Variants in STRBP observed in about 807,000 individuals in gnomAD.
STRBP encodes the protein spermatid perinuclear RNA-binding protein.
In STRBP, 13 loss-of-function variants were observed where a neutral mutation model predicts 80.1. The ratio of observed to expected loss-of-function variants is 0.16; its 90% CI spans 0.11 to 0.26. The LOEUF is 0.26. Among genes scored for constraint, STRBP ranks in the 10% least tolerant of loss-of-function variants. The pLI, the probability that STRBP is intolerant of heterozygous loss-of-function variation, is 1.00. For synonymous variants in STRBP, 284 were observed against 291.2 expected, an observed-to-expected ratio of 0.98 and a Z score of 0.25; for missense variants, 485 against 815.2, an observed-to-expected ratio of 0.59 and a Z score of 4.93.
chr9:123,243,619 TAAAAC>T (rs2040742537), intron 1 of STRBP, among the ~76,000 whole-genome samples: 1 of 149,392 alleles, frequency 6.7e-6, no homozygotes, highest in Non-Finnish European at 1.5e-5. Flanking sequence ...ACTCAACAGT[TAAAAC>T]AAATAAAAAT....
chr9:123,196,284 T>C (rs1395212547), intron 2 of STRBP, among the ~76,000 whole-genome samples: 1 of 152,044 alleles, frequency 6.6e-6, no homozygotes, highest in Non-Finnish European at 1.5e-5. Context: ...AAAGAAAACA[T>C]TGAGAAACTA....
downstream of STRBP, among the ~76,000 whole-genome samples, chr9:123,118,554 C>T (rs1330326738): frequency 6.6e-6 from 1 of 152,180 alleles, no homozygotes; most frequent in Non-Finnish European, 1.5e-5. Context: ...GCAAAAAAGT[C>T]CTCCCTCAAT....
At chr9:123,242,330 C>T (rs1455394154) in intron 1 of STRBP, among the ~76,000 whole-genome samples, 1 of 152,106 alleles carries the variant, frequency 6.6e-6, no homozygotes, top group Non-Finnish European at 1.5e-5. Flanking sequence ...TGGCCCATAA[C>T]AGAAGTTCAT....
chr9:123,225,519 G>T (rs2040207794), intron 2 of STRBP, among the ~76,000 whole-genome samples: 1 of 152,138 alleles, frequency 6.6e-6, no homozygotes, highest in Non-Finnish European at 1.5e-5. Flanking sequence ...ACCTTATGAG[G>T]CAGCGCCTAC....
chr9:123,230,403 G>A (rs1224191757), intron 2 of STRBP, among the ~76,000 whole-genome samples: 1 of 152,108 alleles, frequency 6.6e-6, no homozygotes, highest in Non-Finnish European at 1.5e-5. Flanking sequence ...CAAGTCCCAT[G>A]CATTTTTGTC....
In STRBP at chr9:123,159,135, G is replaced by A; in HGVS notation, c.796C>T (p.Arg266Ter). The A allele has an allele frequency of 6.2e-7, 1 of 1,613,466 alleles. No homozygotes were observed. Among genetic ancestry groups the A allele is most frequent in the Non-Finnish European group, 8.5e-7 (1 of 1,179,574 alleles). The change falls in exon 9 of 19, where the codon CGA becomes TGA. Residue 266 changes from arginine to a stop codon, truncating the protein, a stop_gained. Coordinates refer to ENST00000348403, the MANE Select transcript of STRBP (RefSeq NM_018387.5). LOFTEE classifies it high-confidence loss of function. ...RPLGAGEALR[R>*]VMECLASGIL... The stretch of plus-strand genomic sequence containing the variant: ...CCAGATGCCAAACACTCCATTACTC[G>A]TCTCAAGGCCTCCCCAGCGCCCAAA...
intron 6 of STRBP, among the ~76,000 whole-genome samples, chr9:123,165,749 AG>A (rs1268489790): frequency 2.0e-5 from 3 of 152,222 alleles, no homozygotes; most frequent in Non-Finnish European, 4.4e-5. Context: ...AATAATGGGA[AG>A]TGGCCTGCAT....
At chr9:123,209,787 T>A (rs1434347045) in intron 2 of STRBP, among the ~76,000 whole-genome samples, 2 of 152,180 alleles carry the variant, frequency 1.3e-5, no homozygotes, top group Non-Finnish European at 2.9e-5. Context: ...AAAAATAATT[T>A]TCAAAATAAA....
chr9:123,253,412 G>C (rs2132635188), intron 1 of STRBP, among the ~76,000 whole-genome samples: 2 of 152,288 alleles, frequency 1.3e-5, no homozygotes, highest in South Asian at 4.2e-4. Context: ...CTTACACACT[G>C]TACTGCTAAG....
intron 2 of STRBP, among the ~76,000 whole-genome samples, chr9:123,207,053 T>C (rs1209000481): frequency 6.6e-6 from 1 of 152,202 alleles, no homozygotes; most frequent in Non-Finnish European, 1.5e-5. Flanking sequence ...AAGTCCATTA[T>C]GTCTAATTGC....
chr9:123,256,018 CTTTTTTTTTTTTTTT>C (rs11338372), intron 1 of STRBP, among the ~76,000 whole-genome samples: 856 of 71,520 alleles, frequency 0.012, 14 homozygotes, highest in Non-Finnish European at 0.015. Flanking sequence ...TCCTTTCTTT[CTTTTTTTTTTTTTTT>C]TTTTTTTTTT....
At position 123,123,292 on chromosome 9, in the gene STRBP, T is replaced by C. The variant is rs2035789785; in HGVS notation, c.*2305A>G. The C allele has an allele frequency of 1.0e-6, 1 of 985,412 alleles. No individual in the cohort carries two copies. The highest frequency in any genetic ancestry group is 1.2e-6 in the Non-Finnish European group (1 of 829,928). 61.0% of individuals were successfully genotyped at this position (985,412 alleles called of 1,614,324 possible). A position where few individuals can be genotyped will look rare whatever the true frequency, so the allele number is the denominator to read the frequency against. On this transcript the variant is annotated 3_prime_UTR_variant, in exon 19 of 19. Coordinates refer to ENST00000348403, the MANE Select transcript of STRBP (RefSeq NM_018387.5). ...TTGGTGAAGCCAAGAGCTTCATTTA[T>C]ATTTCTCTGCTCTTTCAGCTGTAAG...
chr9:123,144,980 C>A (rs2036751854), intron 13 of STRBP, among the ~76,000 whole-genome samples: 1 of 152,188 alleles, frequency 6.6e-6, no homozygotes, highest in Admixed American at 6.5e-5. Context: ...ATTCATTCTA[C>A]CTGGATGGAT....
Position 123,115,911 on chromosome 9 carries a change from A to G in STRBP, c.*84+18T>C, listed in dbSNP as rs2035637438. On this transcript the variant is annotated intron_variant and NMD_transcript_variant, in intron 3 of 3. Transcript: ENST00000471564. This position sits in a 1 kb window ranked among gnomAD's most constrained non-coding sequence, Gnocchi z 5.0. ...TTGGAACCACATACAACAAATAAAT[A>G]TAATCCCTTAAAAATACCTGGCAGG... 3 of 424,412 alleles carry G rather than the reference A, an allele frequency of 7.1e-6. No individual in the cohort carries two copies. Among genetic ancestry groups the G allele is most frequent in the Non-Finnish European group, 1.4e-5 (3 of 214,256 alleles). 26.3% of individuals were successfully genotyped at this position (424,412 alleles called of 1,614,324 possible). A position where few individuals can be genotyped will look rare whatever the true frequency, so the allele number is the denominator to read the frequency against.
In STRBP at chr9:123,115,639, A is replaced by G. The variant is rs1418588847; in HGVS notation, c.*84+290T>C. 1.8e-5 allele frequency: 6 copies of G among 336,208 alleles called. No homozygotes were observed. Among genetic ancestry groups the G allele is most frequent in the Non-Finnish European group, 2.9e-5 (5 of 170,594 alleles). The allele number at this position is 336,208 out of a possible 1,614,324, so 20.8% of individuals were successfully genotyped here. ...GACAGTGAATGGTTTTTCTCAATAA[A>G]TCTACGTGCCCAAGAAGGGAGACAT... On this transcript the variant is annotated intron_variant and NMD_transcript_variant, in intron 3 of 3. Transcript: ENST00000471564. This position sits in a 1 kb window ranked among gnomAD's most constrained non-coding sequence, Gnocchi z 5.0.
intron 6 of STRBP, 35 bp downstream of exon 6, chr9:123,169,865 AAT>A: frequency 9.0e-7 from 1 of 1,116,102 alleles, no homozygotes. Flanking sequence ...AACAACAACA[AAT>A]ATATACATAT....
chr9:123,135,831 G>A (rs911590792), intron 16 of STRBP: 11 of 481,908 alleles, frequency 2.3e-5, no homozygotes, highest in African/African-American at 2.1e-4. Context: ...AAATATACAT[G>A]TACATATATA....
chr9:123,174,188 C>G (rs1404915376), intron 4 of STRBP, among the ~76,000 whole-genome samples: 2 of 152,300 alleles, frequency 1.3e-5, no homozygotes, highest in East Asian at 3.9e-4. Context: ...GTAATCCCAA[C>G]ACTTTGGGAG....
chr9:123,232,101 C>T (rs1043823208), intron 2 of STRBP, among the ~76,000 whole-genome samples: 3 of 152,118 alleles, frequency 2.0e-5, no homozygotes, highest in African/African-American at 7.2e-5. Context: ...CACTTGAGGT[C>T]GGGAATTCGA....
Sources: allele counts gnomAD v4.1 joint callset (sites outside exome capture counted in the v4.1 genomes callset), GRCh38; gene constraint gnomAD v4.1.1; non-coding constraint Gnocchi (gnomAD v3.1); transcripts MANE v1.5; gene names NCBI Gene and HGNC (gene_info 2026-07-23, HGNC 2026-07-21).